Variants in OSBPL3 observed in about 807,000 individuals in gnomAD.
The protein encoded by OSBPL3 is oxysterol-binding protein-related protein 3.
In OSBPL3, 65 loss-of-function variants were observed where a neutral mutation model predicts 120.1. The ratio of observed to expected loss-of-function variants is 0.54; its 90% CI spans 0.44 to 0.67. The LOEUF is 0.67. Ranked by LOEUF, OSBPL3 falls within the 30% of genes least tolerant of loss-of-function variation. The pLI is 0.00. For synonymous variants in OSBPL3, 416 were observed against 402.6 expected (o/e 1.03, Z -0.40); for missense variants, 1,004 against 1,082.1 (o/e 0.93, Z 1.01).
chr7:24,929,492 T>C (rs1186573369), intron 1 of OSBPL3, among the ~76,000 whole-genome samples: 1 of 152,200 alleles, frequency 6.6e-6, no homozygotes, highest in African/African-American at 2.4e-5. Context: ...ATCGCAGTAC[T>C]TTCATAATAG....
In OSBPL3 at chr7:24,896,908, C is replaced by A. The variant is rs1433756915; in HGVS notation, c.-149-4287G>T. On this transcript the variant is annotated intron_variant, in intron 1 of 22. Coordinates refer to ENST00000313367, the MANE Select transcript of OSBPL3 (RefSeq NM_015550.4). This position sits in a 1 kb window ranked among gnomAD's most constrained non-coding sequence, Gnocchi z 4.4. ...CCAACATGGTAAAACCCCATCTCTA[C>A]TAAAAATACCAAAATTAGCCGAGCA... Among the ~76,000 whole-genome samples the A allele has an allele frequency of 1.3e-5, 2 of 152,114 alleles. No homozygotes were observed. The highest frequency in any genetic ancestry group is 2.9e-5 in the Non-Finnish European group (2 of 68,030).
At chr7:24,917,413 T>TATTTGTAAC (rs1562924793) in intron 1 of OSBPL3, among the ~76,000 whole-genome samples, 32 of 141,066 alleles carry the variant, frequency 2.3e-4, no homozygotes, top group African/African-American at 8.5e-4. Flanking sequence ...TATATATATA[T>TATTTGTAAC]ATATATATAT....
rs1343187113 is a variant in OSBPL3, at chr7:24,834,160, C to T, written c.1746+326G>A. On this transcript the variant is annotated intron_variant, in intron 15 of 22. Transcript: ENST00000313367. This position sits in a 1 kb window ranked among gnomAD's most constrained non-coding sequence, Gnocchi z 5.2. ...AAGTAAAAATAAACATGCAGACAGC[C>T]CTAAAGACATGTTTTCCAGCCGGGC... 12 of 1,057,674 alleles carry T rather than the reference C, an allele frequency of 1.1e-5. No homozygotes were observed. The highest frequency in any genetic ancestry group is 1.4e-5 in the Non-Finnish European group (12 of 868,442). 65.5% of individuals were successfully genotyped at this position (1,057,674 alleles called of 1,614,324 possible).
Position 24,938,146 on chromosome 7 carries a change from G to GA in OSBPL3, c.-150+41739dup, listed in dbSNP as rs2128477050. ...TATGTTGAAACCTAATCACCAACCT[G>GA]ATGGTATTAGGAGTTGGAGCCTTTG... On this transcript the variant is annotated intron_variant, in intron 1 of 22. Coordinates refer to ENST00000313367, the MANE Select transcript of OSBPL3 (RefSeq NM_015550.4). The surrounding 1 kb of genome is among the most constrained non-coding windows in gnomAD (Gnocchi z 5.8). 6.6e-6 allele frequency among the ~76,000 whole-genome samples: 1 copy of GA among 152,332 alleles called. No individual in the cohort carries two copies. Among genetic ancestry groups the GA allele is most frequent in the Non-Finnish European group, 1.5e-5 (1 of 68,024 alleles).
At chr7:24,942,194 A>C (rs947941324) in intron 1 of OSBPL3, among the ~76,000 whole-genome samples, 6 of 152,276 alleles carry the variant, frequency 3.9e-5, no homozygotes, top group Admixed American at 3.9e-4. Flanking sequence ...ATAAGAAAAC[A>C]AACGGGCTAT....
In OSBPL3 at chr7:24,830,678, G is replaced by C; in HGVS notation, c.1884+90C>G. On this transcript the variant is annotated intron_variant, in intron 16 of 22. Transcript: ENST00000313367. The surrounding 1 kb of genome is among the most constrained non-coding windows in gnomAD (Gnocchi z 4.4). ...AATTATCTCGGCTGCTTTGAAGCCA[G>C]TGAAAGGTGGAAGATAAATATTTCA... 1 of 1,254,350 alleles carries C rather than the reference G, an allele frequency of 8.0e-7. No homozygotes were observed. The highest frequency in any genetic ancestry group is 1.5e-5 in the African/African-American group (1 of 66,214). 77.7% of individuals were successfully genotyped at this position (1,254,350 alleles called of 1,614,324 possible).
chr7:24,827,071 T>C lies in OSBPL3; in HGVS notation c.1884+3697A>G, dbSNP rs7802069. 0.58 allele frequency among the ~76,000 whole-genome samples: 87,754 copies of C among 152,032 alleles called. 26,008 individuals carry two copies. Among genetic ancestry groups the C allele is most frequent in the Admixed American group, 0.67 (10,232 of 15,286 alleles). On this transcript the variant is annotated intron_variant, in intron 16 of 22. Coordinates refer to ENST00000313367, the MANE Select transcript of OSBPL3 (RefSeq NM_015550.4). This position sits in a 1 kb window ranked among gnomAD's most constrained non-coding sequence, Gnocchi z 5.1. ...AGCTTGGAGATACAATTTCCATCAT[T>C]ATCCTCCTTAGAAAAAAATTCCACC...
intron 1 of OSBPL3, among the ~76,000 whole-genome samples, chr7:24,948,114 G>A (rs998341065): frequency 2.0e-5 from 3 of 152,194 alleles, no homozygotes; most frequent in Middle Eastern, 3.4e-3. Context: ...ACAGAGAAAC[G>A]GTCTCCCTTG....
rs1005096716 is a variant in OSBPL3, at chr7:24,883,128, A to C, written c.96+9249T>G. Among the ~76,000 whole-genome samples the C allele has an allele frequency of 6.6e-6, 1 of 152,170 alleles. No individual in the cohort carries two copies. Among genetic ancestry groups the C allele is most frequent in the Non-Finnish European group, 1.5e-5 (1 of 68,022 alleles). On this transcript the variant is annotated intron_variant, in intron 2 of 22. Coordinates refer to ENST00000313367, the MANE Select transcript of OSBPL3 (RefSeq NM_015550.4). This position sits in a 1 kb window ranked among gnomAD's most constrained non-coding sequence, Gnocchi z 5.4. ...GATTCAGCTCACTACACAGGGCCCCAGGGACCACGGGGCCAAGATGTGCCA... is the reference window on the plus strand; with the variant it reads ...GATTCAGCTCACTACACAGGGCCCCCGGGACCACGGGGCCAAGATGTGCCA...
Position 24,821,212 on chromosome 7 carries a change from T to G in OSBPL3, c.1885-974A>C, listed in dbSNP as rs538433599. ...TATCTAGCTCAAAGCCTGCACCTTA[T>G]AAACGAAGAGACTGAAACCAGAAAG... On this transcript the variant is annotated intron_variant, in intron 16 of 22. Coordinates refer to ENST00000313367, the MANE Select transcript of OSBPL3 (RefSeq NM_015550.4). The surrounding 1 kb of genome is among the most constrained non-coding windows in gnomAD (Gnocchi z 5.5). Among the ~76,000 whole-genome samples the G allele has an allele frequency of 1.3e-5, 2 of 152,296 alleles. No homozygotes were observed. Among genetic ancestry groups the G allele is most frequent in the East Asian group, 3.9e-4 (2 of 5,184 alleles).
chr7:24,979,913 C>T lies in OSBPL3; in HGVS notation c.-177G>A. On this transcript the variant is annotated 5_prime_UTR_variant, in exon 1 of 23. Coordinates refer to ENST00000313367, the MANE Select transcript of OSBPL3 (RefSeq NM_015550.4). ...GAGCGCTGTGCAGCCGGAGACGCTCCCTAGTTCCCCGGGGCCGGGCTCCGG... is the reference window on the plus strand; with the variant it reads ...GAGCGCTGTGCAGCCGGAGACGCTCTCTAGTTCCCCGGGGCCGGGCTCCGG... 1 of 970,734 alleles carries T rather than the reference C, an allele frequency of 1.0e-6. No homozygotes were observed. The highest frequency in any genetic ancestry group is 4.8e-5 in the South Asian group (1 of 20,744). 60.1% of individuals were successfully genotyped at this position (970,734 alleles called of 1,614,324 possible).
rs1231015096 is a variant in OSBPL3, at chr7:24,968,745, C to G, written c.-150+11141G>C. Among the ~76,000 whole-genome samples, 1 of 152,162 alleles carries G rather than the reference C, an allele frequency of 6.6e-6. No individual in the cohort carries two copies. Among genetic ancestry groups the G allele is most frequent in the African/African-American group, 2.4e-5 (1 of 41,446 alleles). On this transcript the variant is annotated intron_variant, in intron 1 of 22. Coordinates refer to ENST00000313367, the MANE Select transcript of OSBPL3 (RefSeq NM_015550.4). The surrounding 1 kb of genome is among the most constrained non-coding windows in gnomAD (Gnocchi z 4.6). The stretch of plus-strand genomic sequence containing the variant: ...GTGCATATATGCATGAATATATGTC[C>G]ATGTGTATATGCATACTTTCATATA...
rs375574628 is a variant in OSBPL3, at chr7:24,896,615, G to C, written c.-149-3994C>G. Among the ~76,000 whole-genome samples, 11 of 152,306 alleles carry C rather than the reference G, an allele frequency of 7.2e-5. No homozygotes were observed. The East Asian group carries it at 2.1e-3, about 29-fold the overall frequency. On this transcript the variant is annotated intron_variant, in intron 1 of 22. Coordinates refer to ENST00000313367, the MANE Select transcript of OSBPL3 (RefSeq NM_015550.4). This position sits in a 1 kb window ranked among gnomAD's most constrained non-coding sequence, Gnocchi z 4.4. The stretch of plus-strand genomic sequence containing the variant: ...AACACAATTTGGGAAAAGATGTAAA[G>C]GTGACATCACATACTATATATGTGT...
rs73078273 is a variant in OSBPL3 at position 24,966,559 on chromosome 7, A to G, written c.-150+13327T>C. ...ATGATGCATTGGCAGGTGTGCATGA[A>G]GAAGGCCAGGCAGTCCTTTTTCTGA... On this transcript the variant is annotated intron_variant, in intron 1 of 22. Coordinates refer to ENST00000313367, the MANE Select transcript of OSBPL3 (RefSeq NM_015550.4). This position sits in a 1 kb window ranked among gnomAD's most constrained non-coding sequence, Gnocchi z 4.8. Among the ~76,000 whole-genome samples the G allele has an allele frequency of 1.3e-3, 196 of 152,348 alleles. No homozygotes were observed. Among genetic ancestry groups the G allele is most frequent in the Non-Finnish European group, 2.2e-3 (150 of 68,028 alleles).
In OSBPL3 at chr7:24,942,141, C is replaced by A. The variant is rs534341383; in HGVS notation, c.-150+37745G>T. Among the ~76,000 whole-genome samples, 7 of 150,876 alleles carry A rather than the reference C, an allele frequency of 4.6e-5. No individual in the cohort carries two copies. The South Asian group carries it at 1.3e-3, about 27-fold the overall frequency. On this transcript the variant is annotated intron_variant, in intron 1 of 22. Transcript: ENST00000313367. Reference sequence around the variant, plus strand: ...GCTGACTCAAGAAGCCTTCCCTTAACAATATCTCAAGATGCTTTTTTTTTT... The same window carrying A: ...GCTGACTCAAGAAGCCTTCCCTTAAAAATATCTCAAGATGCTTTTTTTTTT...
At chr7:24,842,734 T>C (rs1177472227) in intron 12 of OSBPL3, among the ~76,000 whole-genome samples, 1 of 152,256 alleles carries the variant, frequency 6.6e-6, no homozygotes, top group Non-Finnish European at 1.5e-5. Flanking sequence ...TATCCTCTTA[T>C]TCGCTACCAC....
At position 24,840,407 on chromosome 7, in the gene OSBPL3, T is replaced by C. The variant is rs190450469; in HGVS notation, c.1495+283A>G. Among the ~76,000 whole-genome samples the C allele has an allele frequency of 7.2e-5, 11 of 152,296 alleles. No individual in the cohort carries two copies. In the East Asian group the frequency reaches 7.7e-4, roughly 11 times the overall value. On this transcript the variant is annotated intron_variant, in intron 14 of 22. Transcript: ENST00000313367. ...CCTTTATGATGATCCCCTTAACGAATTGTAAATATGTTTTCTGTTCTAATG... is the reference window on the plus strand; with the variant it reads ...CCTTTATGATGATCCCCTTAACGAACTGTAAATATGTTTTCTGTTCTAATG...
intron 16 of OSBPL3, among the ~76,000 whole-genome samples, chr7:24,829,577 C>T (rs1796126199): frequency 6.6e-6 from 1 of 152,140 alleles, no homozygotes; most frequent in Non-Finnish European, 1.5e-5. Context: ...GCAATCCACC[C>T]CCCTTCTCCT....
At chr7:24,850,180 C>G (rs1053311799) in intron 11 of OSBPL3, among the ~76,000 whole-genome samples, 2 of 152,140 alleles carry the variant, frequency 1.3e-5, no homozygotes, top group African/African-American at 4.8e-5. Flanking sequence ...TGAGACTATG[C>G]CCCCAGGCCT....
Sources: allele counts gnomAD v4.1 joint callset (sites outside exome capture counted in the v4.1 genomes callset), GRCh38; gene constraint gnomAD v4.1.1; non-coding constraint Gnocchi (gnomAD v3.1); transcripts MANE v1.5; gene names NCBI Gene and HGNC (gene_info 2026-07-23, HGNC 2026-07-21).